CUX2: variants seen among roughly 807,000 people sequenced by gnomAD.
CUX2 encodes cut like homeobox 2.
In CUX2, 40 loss-of-function variants were observed where a neutral mutation model predicts 144.8. The ratio of observed to expected loss-of-function variants is 0.28; its 90% CI spans 0.21 to 0.36. The LOEUF (loss-of-function observed/expected upper bound fraction) is 0.36. Among genes scored for constraint, CUX2 ranks in the 10% least tolerant of loss-of-function variants. The pLI, the probability that CUX2 is intolerant of heterozygous loss-of-function variation, is 1.00. For synonymous variants in CUX2, 827 were observed against 875.6 expected, an observed-to-expected ratio of 0.94 and a Z score of 0.98; for missense variants, 1,615 against 1,994.0, an observed-to-expected ratio of 0.81 and a Z score of 3.62.
intron 1 of CUX2, among the ~76,000 whole-genome samples, chr12:111,173,598 A>C (rs1878673825): frequency 6.6e-6 from 1 of 152,140 alleles, no homozygotes; most frequent in East Asian, 1.9e-4. Context: ...TGCTTCATAG[A>C]GGTGAGGAGG....
At chr12:111,237,304 T>C (rs1299752989) in intron 3 of CUX2, among the ~76,000 whole-genome samples, 1 of 152,212 alleles carries the variant, frequency 6.6e-6, no homozygotes, top group Non-Finnish European at 1.5e-5. Flanking sequence ...CCTTTGTACA[T>C]TCTGTTCCCT....
chr12:111,245,834 G>A (rs1883254447), intron 3 of CUX2, among the ~76,000 whole-genome samples: 1 of 152,050 alleles, frequency 6.6e-6, no homozygotes, highest in Non-Finnish European at 1.5e-5. Flanking sequence ...GACCAGGGTG[G>A]CGTTTCATCC....
chr12:111,277,971 T>A lies in CUX2; in HGVS notation c.302-13447T>A, dbSNP rs1385087351. ...AGGCTGCAGGGGAGAAGTCATTTCC[T>A]TGTCTTTTCCACCTTCTCGGGCTGG... On this transcript the variant is annotated intron_variant, in intron 4 of 21. Transcript: ENST00000261726. This position sits in a 1 kb window ranked among gnomAD's most constrained non-coding sequence, Gnocchi z 5.0. 6.6e-6 allele frequency among the ~76,000 whole-genome samples: 1 copy of A among 152,226 alleles called. No homozygotes were observed. Among genetic ancestry groups the A allele is most frequent in the African/African-American group, 2.4e-5 (1 of 41,466 alleles).
chr12:111,218,698 A>C (rs1047780419), intron 3 of CUX2, among the ~76,000 whole-genome samples: 10 of 152,110 alleles, frequency 6.6e-5, no homozygotes, highest in African/African-American at 2.4e-4. Context: ...CCACACAGTT[A>C]CCAGCCCAAC....
intron 1 of CUX2, among the ~76,000 whole-genome samples, chr12:111,205,855 T>C (rs552599659): frequency 6.6e-6 from 1 of 152,322 alleles, no homozygotes; most frequent in East Asian, 1.9e-4. Flanking sequence ...GTCTCTGGCC[T>C]TGACACATAG....
chr12:111,057,387 C>G lies in CUX2; in HGVS notation c.63+23147C>G, dbSNP rs952473047. On this transcript the variant is annotated intron_variant, in intron 1 of 21. Coordinates refer to ENST00000261726, the MANE Select transcript of CUX2 (RefSeq NM_015267.4). The surrounding 1 kb of genome is among the most constrained non-coding windows in gnomAD (Gnocchi z 5.1). ...TGTGAGTGGAGTGGAGTGGGTGTGACAGGAAGTGGCCACTGGAGATCTGGC... is the reference window on the plus strand; with the variant it reads ...TGTGAGTGGAGTGGAGTGGGTGTGAGAGGAAGTGGCCACTGGAGATCTGGC... 6.6e-6 allele frequency among the ~76,000 whole-genome samples: 1 copy of G among 152,038 alleles called. No individual in the cohort carries two copies. The highest frequency in any genetic ancestry group is 1.5e-5 in the Non-Finnish European group (1 of 67,984).
At chr12:111,196,893 G>A (rs1880273886) in intron 1 of CUX2, among the ~76,000 whole-genome samples, 1 of 152,204 alleles carries the variant, frequency 6.6e-6, no homozygotes, top group Non-Finnish European at 1.5e-5. Flanking sequence ...TCTTTCAGAG[G>A]ATTGAGCAGA....
At chr12:111,133,050 C>T (rs1231597817) in intron 1 of CUX2, among the ~76,000 whole-genome samples, 1 of 152,160 alleles carries the variant, frequency 6.6e-6, no homozygotes, top group Non-Finnish European at 1.5e-5. Context: ...CAAACCTTTG[C>T]TCCAGGTCCC....
At chr12:111,268,973 GC>G (rs1884516106) in intron 4 of CUX2, among the ~76,000 whole-genome samples, 1 of 152,210 alleles carries the variant, frequency 6.6e-6, no homozygotes. Context: ...ATATGCGTGT[GC>G]TTTCAGGCTC....
rs370723282 is a variant in CUX2 at position 111,102,791 on chromosome 12, G to A, written c.63+68551G>A. ...CTCTGAGCCTCTGTTTACCCACTTC[G>A]TAGTGGGTAGCAAAAGTTCAATGAG... On this transcript the variant is annotated intron_variant, in intron 1 of 21. Coordinates refer to ENST00000261726, the MANE Select transcript of CUX2 (RefSeq NM_015267.4). Among the ~76,000 whole-genome samples, 12 of 152,240 alleles carry A rather than the reference G, an allele frequency of 7.9e-5. No individual in the cohort carries two copies. The South Asian group carries it at 1.2e-3, about 16-fold the overall frequency.
chr12:111,338,591 G>T, intron 20 of CUX2, 117 bp downstream of exon 20: 1 of 910,558 alleles, frequency 1.1e-6, no homozygotes. Context: ...AGCCTACTAT[G>T]GGACTGCATG....
At position 111,310,218 on chromosome 12, in the gene CUX2, C is replaced by T. The variant is rs746664186; in HGVS notation, c.1436C>T (p.Ser479Phe). 7.3e-6 allele frequency: 11 copies of T among 1,512,232 alleles called. No homozygotes were observed. Among genetic ancestry groups the T allele is most frequent in the Admixed American group, 2.3e-5 (1 of 44,204 alleles). The allele number at this position is 1,512,232 out of a possible 1,614,324, so 93.7% of individuals were successfully genotyped here. A position where few individuals can be genotyped will look rare whatever the true frequency, so the allele number is the denominator to read the frequency against. Reference sequence around the variant, plus strand: ...GACGGCACTCGGACTTTCTCGCTGTCCCCCTTCCCCAGCCTGGCATCAGGG... The same window carrying T: ...GACGGCACTCGGACTTTCTCGCTGTTCCCCTTCCCCAGCCTGGCATCAGGG... Reference protein sequence around the residue: ...GPDGTRTFSLSPFPSLASGER... With the variant: ...GPDGTRTFSLFPFPSLASGER... The change falls in exon 15 of 22, where the codon TCC (serine) becomes TTC (phenylalanine). Residue 479 changes from serine (S) to phenylalanine (F), a missense_variant. Transcript: ENST00000261726. This position sits in a 1 kb window ranked among gnomAD's most constrained non-coding sequence, Gnocchi z 7.9.
intron 1 of CUX2, among the ~76,000 whole-genome samples, chr12:111,107,254 C>G (rs1461590551): frequency 1.3e-5 from 2 of 152,208 alleles, no homozygotes; most frequent in Non-Finnish European, 2.9e-5. Flanking sequence ...GGCCTTCCTG[C>G]TCTGTGGCCA....
intron 1 of CUX2, among the ~76,000 whole-genome samples, chr12:111,138,928 T>G (rs1876111935): frequency 6.6e-6 from 1 of 151,800 alleles, no homozygotes; most frequent in South Asian, 2.1e-4. Flanking sequence ...ACCCAGCTCC[T>G]CTCCTGCCCC....
chr12:111,087,492 C>G (rs1243826012), intron 1 of CUX2, among the ~76,000 whole-genome samples: 1 of 151,838 alleles, frequency 6.6e-6, no homozygotes, highest in Non-Finnish European at 1.5e-5. Context: ...GTTTTACTAG[C>G]AGGTAATACT....
chr12:111,342,956 CAAA>C lies in CUX2; in HGVS notation c.3659+925_3659+927del, dbSNP rs11314694. Among the ~76,000 whole-genome samples, 263 of 68,426 alleles carry C rather than the reference CAAA, an allele frequency of 3.8e-3. 3 individuals carry two copies. The highest frequency in any genetic ancestry group is 0.014 in the African/African-American group (254 of 17,712). 44.9% of individuals were successfully genotyped at this position (68,426 alleles called of 152,430 possible). A position where few individuals can be genotyped will look rare whatever the true frequency, so the allele number is the denominator to read the frequency against. On this transcript the variant is annotated intron_variant, in intron 21 of 21. Coordinates refer to ENST00000261726, the MANE Select transcript of CUX2 (RefSeq NM_015267.4). ...CCTGGGCAACAGAGTGAGACTATCT[CAAA>C]AAAAAAAAAAAAAAAAAAAAATCCA...
intron 3 of CUX2, among the ~76,000 whole-genome samples, chr12:111,254,717 A>G (rs1402025093): frequency 6.6e-6 from 1 of 152,218 alleles, no homozygotes; most frequent in Non-Finnish European, 1.5e-5. Flanking sequence ...TTAGTGACTT[A>G]CCCCTAAGGA....
At chr12:111,151,532 C>T (rs1270895668) in intron 1 of CUX2, among the ~76,000 whole-genome samples, 2 of 152,144 alleles carry the variant, frequency 1.3e-5, no homozygotes, top group Non-Finnish European at 1.5e-5. Flanking sequence ...AGGGAGAATT[C>T]GCAGTTTCGT....
At chr12:111,122,750 C>T (rs150601455) in intron 1 of CUX2, among the ~76,000 whole-genome samples, 4 of 152,310 alleles carry the variant, frequency 2.6e-5, no homozygotes, top group African/African-American at 7.2e-5. Flanking sequence ...GTCCAGAGAG[C>T]AAACAGCCAC....
Sources: gnomAD v4.1 joint callset for allele counts (sites outside exome capture counted in the v4.1 genomes callset) on GRCh38, gnomAD v4.1.1 for gene constraint, Gnocchi (gnomAD v3.1) non-coding constraint, MANE v1.5 for transcripts, NCBI Gene and HGNC (gene_info 2026-07-23, HGNC 2026-07-21) for gene names.